Variants in MIR2052HG observed in about 807,000 individuals in gnomAD.
The protein encoded by MIR2052HG is MIR2052 host gene.
intron 4 of MIR2052HG, among the ~76,000 whole-genome samples, chr8:74,749,950 A>G (rs1342623592): frequency 2.0e-5 from 3 of 151,856 alleles, no homozygotes; most frequent in Non-Finnish European, 4.4e-5. Flanking sequence ...AACTCTTTCC[A>G]GTGCATATCC....
chr8:74,746,978 G>T (rs73341208), intron 4 of MIR2052HG, among the ~76,000 whole-genome samples: 17,327 of 152,072 alleles, frequency 0.11, 2,040 homozygotes, highest in African/African-American at 0.3. Context: ...ATATGAATTT[G>T]CTGTAATCAT....
intron 2 of MIR2052HG, among the ~76,000 whole-genome samples, chr8:74,626,076 C>G (rs1431312429): frequency 6.6e-6 from 1 of 152,196 alleles, no homozygotes; most frequent in African/African-American, 2.4e-5. Context: ...AGGACCGTCT[C>G]CAGCAGCCCT....
At chr8:74,608,289 G>C (rs1310296884) in intron 1 of MIR2052HG, among the ~76,000 whole-genome samples, 3 of 152,058 alleles carry the variant, frequency 2.0e-5, no homozygotes, top group African/African-American at 7.2e-5. Flanking sequence ...ATTTCTAAAG[G>C]GCTAAATAGG....
At chr8:74,600,647 C>T (rs141513676) in intron 1 of MIR2052HG, among the ~76,000 whole-genome samples, 2,422 of 151,778 alleles carry the variant, frequency 0.016, 22 homozygotes, top group Non-Finnish European at 0.02. Context: ...ACAATCTTGG[C>T]TCACTGCAAC....
rs61228134 is a variant in MIR2052HG at position 74,673,887 on chromosome 8, G to GTATATATATATA, written n.217-28479_217-28468dup. Among the ~76,000 whole-genome samples the GTATATATATATA allele has an allele frequency of 3.8e-3, 465 of 121,638 alleles. 10 individuals are homozygous for GTATATATATATA. The highest frequency in any genetic ancestry group is 0.011 in the African/African-American group (276 of 25,488). The allele number at this position is 121,638 out of a possible 152,430, so 79.8% of individuals were successfully genotyped here. A position where few individuals can be genotyped will look rare whatever the true frequency, so the allele number is the denominator to read the frequency against. ...GTCACAATCAACACAGTATTTTTTT[G>GTATATATATATA]TATATATATATATATATATATATAC... On this transcript the variant is annotated intron_variant and non_coding_transcript_variant, in intron 2 of 6. Coordinates refer to ENST00000523442, the Ensembl canonical transcript of MIR2052HG.
intron 4 of MIR2052HG, among the ~76,000 whole-genome samples, chr8:74,746,040 C>T (rs778295797): frequency 3.7e-4 from 57 of 152,192 alleles, no homozygotes; most frequent in Middle Eastern, 3.4e-3. Flanking sequence ...GGCTCCAAAT[C>T]CATGTGAACA....
At chr8:74,693,114 T>A (rs17270112) in intron 2 of MIR2052HG, among the ~76,000 whole-genome samples, 35,931 of 152,180 alleles carry the variant, frequency 0.24, 5,403 homozygotes, top group East Asian at 0.64. Flanking sequence ...ACAAGTTATA[T>A]GATCATGGGC....
chr8:74,656,764 C>T (rs750807062), intron 2 of MIR2052HG, among the ~76,000 whole-genome samples: 12 of 152,084 alleles, frequency 7.9e-5, no homozygotes, highest in Non-Finnish European at 1.3e-4. Context: ...GAGAGGACTG[C>T]CCACTTCTGA....
chr8:74,719,849 C>CTTTT lies in MIR2052HG; in HGVS notation n.371+16181_371+16184dup, dbSNP rs10647233. On this transcript the variant is annotated intron_variant and non_coding_transcript_variant, in intron 4 of 6. Coordinates refer to ENST00000523442, the Ensembl canonical transcript of MIR2052HG. ...TCCTTCTTTTTTTTTTTTCTTTTTT[C>CTTTT]TTTTTTTTTTTTTTTTTGAGAGGGA... Among the ~76,000 whole-genome samples the CTTTT allele has an allele frequency of 1.7e-3, 181 of 106,724 alleles. 5 individuals carry two copies. The highest frequency in any genetic ancestry group is 1.0e-2 in the East Asian group (32 of 3,214). 70.0% of individuals were successfully genotyped at this position (106,724 alleles called of 152,430 possible). A position where few individuals can be genotyped will look rare whatever the true frequency, so the allele number is the denominator to read the frequency against.
At chr8:74,650,568 G>A (rs2128736090) in intron 2 of MIR2052HG, among the ~76,000 whole-genome samples, 1 of 152,200 alleles carries the variant, frequency 6.6e-6, no homozygotes, top group Admixed American at 6.6e-5. Flanking sequence ...CTTAGGAATG[G>A]AATTTCTGTG....
chr8:74,642,346 G>C (rs946595611), intron 2 of MIR2052HG, among the ~76,000 whole-genome samples: 13 of 152,076 alleles, frequency 8.5e-5, no homozygotes, highest in African/African-American at 2.7e-4. Flanking sequence ...TGCTTTATAT[G>C]TGTAATTAAC....
At chr8:74,691,653 T>A (rs980824238) in intron 2 of MIR2052HG, among the ~76,000 whole-genome samples, 2 of 152,300 alleles carry the variant, frequency 1.3e-5, no homozygotes, top group East Asian at 3.9e-4. Flanking sequence ...ATTTTTGCAT[T>A]GAAGGCTATA....
chr8:74,677,942 G>A lies in MIR2052HG; in HGVS notation n.217-24437G>A, dbSNP rs185375402. ...GAAAGAAGTTACAAATATTATTACA[G>A]CTTGAAAAAGCTCATAACTACAAAG... On this transcript the variant is annotated intron_variant and non_coding_transcript_variant, in intron 2 of 6. Coordinates refer to ENST00000523442, the Ensembl canonical transcript of MIR2052HG. Among the ~76,000 whole-genome samples the A allele has an allele frequency of 9.3e-3, 1,410 of 152,196 alleles. 7 individuals are homozygous for A. The highest frequency in any genetic ancestry group is 0.041 in the Middle Eastern group (12 of 294).
chr8:74,726,799 T>C (rs1278053623), intron 4 of MIR2052HG, among the ~76,000 whole-genome samples: 1 of 152,226 alleles, frequency 6.6e-6, no homozygotes, highest in Admixed American at 6.5e-5. Flanking sequence ...TTCGTGTAGA[T>C]ACAGAGTCTT....
intron 2 of MIR2052HG, among the ~76,000 whole-genome samples, chr8:74,621,016 A>G (rs2128732665): frequency 6.6e-6 from 1 of 152,354 alleles, no homozygotes; most frequent in African/African-American, 2.4e-5. Flanking sequence ...ACAGATCTCT[A>G]GGGCAGAAGC....
intron 2 of MIR2052HG, among the ~76,000 whole-genome samples, chr8:74,623,509 G>C (rs976266872): frequency 1.3e-5 from 2 of 152,180 alleles, no homozygotes; most frequent in African/African-American, 4.8e-5. Flanking sequence ...TAAAGATCAT[G>C]ATAAAATGTG....
At chr8:74,623,330 G>T (rs1808391012) in intron 2 of MIR2052HG, among the ~76,000 whole-genome samples, 1 of 152,096 alleles carries the variant, frequency 6.6e-6, no homozygotes, top group Non-Finnish European at 1.5e-5. Context: ...GTGACAATTG[G>T]GGACATTTTA....
intron 2 of MIR2052HG, among the ~76,000 whole-genome samples, chr8:74,694,332 A>G (rs1809273662): frequency 6.6e-6 from 1 of 152,160 alleles, no homozygotes; most frequent in Non-Finnish European, 1.5e-5. Flanking sequence ...GAAGGGAGCA[A>G]CCCATGGAAC....
chr8:74,730,748 A>C lies in MIR2052HG; in HGVS notation n.372-21693A>C, dbSNP rs559700370. On this transcript the variant is annotated intron_variant and non_coding_transcript_variant, in intron 4 of 6. Coordinates refer to ENST00000523442, the Ensembl canonical transcript of MIR2052HG. ...TTCTGCCTGTAGATAAACTCACATG[A>C]GTTTACATGAATATATATATTGATT... Among the ~76,000 whole-genome samples the C allele has an allele frequency of 1.6e-4, 24 of 152,302 alleles. No individual in the cohort carries two copies. In the East Asian group the frequency reaches 4.4e-3, roughly 28 times the overall value.
Sources: allele counts gnomAD v4.1 joint callset (sites outside exome capture counted in the v4.1 genomes callset), GRCh38; gene constraint gnomAD v4.1.1; transcripts MANE v1.5; gene names NCBI Gene and HGNC (gene_info 2026-07-23, HGNC 2026-07-21).